The following PARG variants were observed in gnomAD, a reference collection of about 807,000 sequenced individuals.
PARG encodes the protein poly(ADP-ribose) glycohydrolase, also known as mitochondrial poly(ADP-ribose) glycohydrolase.
In PARG, 35 loss-of-function variants were observed where a neutral mutation model predicts 113.0. That is an observed-to-expected ratio of 0.31 (90% CI 0.24 to 0.41). PARG has a LOEUF of 0.41. PARG is among the 10% of genes least tolerant of loss of function. The pLI is 1.00. For missense variants in PARG, 797 were observed against 1,169.4 expected (o/e 0.68, Z 4.64); for synonymous variants, 330 against 409.9 (o/e 0.81, Z 2.36).
At chr10:49,891,572 C>T (rs1181097133) in intron 7 of PARG, among the ~76,000 whole-genome samples, 2 of 127,320 alleles carry the variant, frequency 1.6e-5, no homozygotes, top group East Asian at 2.3e-4. Flanking sequence ...GAGGAAATAT[C>T]CTCATAATCC....
chr10:49,877,961 T>G (rs1193245967), intron 9 of PARG, among the ~76,000 whole-genome samples: 1 of 151,782 alleles, frequency 6.6e-6, no homozygotes, highest in Non-Finnish European at 1.5e-5. Flanking sequence ...GGAAAATATT[T>G]ATTAATCACA....
At position 49,857,466 on chromosome 10, in the gene PARG, T is replaced by C; in HGVS notation, c.2206-13A>G. On this transcript the variant is annotated splice_polypyrimidine_tract_variant and intron_variant, in intron 12 of 17. Coordinates refer to ENST00000616448, the MANE Select transcript of PARG (RefSeq NM_003631.5). ...TTGCAAAATCCACCTGTTGGGGAAA[T>C]GTGACATATTAAATAATGGTCAAAA... 1.2e-6 allele frequency: 2 copies of C among 1,610,132 alleles called. No individual in the cohort carries two copies. The highest frequency in any genetic ancestry group is 1.7e-6 in the Non-Finnish European group (2 of 1,177,558).
chr10:49,829,497 C>T (rs532426346), intron 16 of PARG, among the ~76,000 whole-genome samples: 21 of 151,984 alleles, frequency 1.4e-4, no homozygotes, highest in African/African-American at 4.8e-4. Flanking sequence ...TTTTTTGTTA[C>T]AAAAACAATA....
intron 13 of PARG, among the ~76,000 whole-genome samples, chr10:49,854,819 A>G (rs1371778992): frequency 2.0e-5 from 3 of 150,242 alleles, no homozygotes; most frequent in African/African-American, 4.9e-5. Flanking sequence ...GAACACAGAC[A>G]TCACAAAATT....
At chr10:49,932,429 A>G in intron 3 of PARG, 146 bp from the exon 4 acceptor site, 1 of 629,876 alleles carries the variant, frequency 1.6e-6, no homozygotes, top group South Asian at 2.0e-5. Flanking sequence ...ATTTACAATC[A>G]AAAGAAAAAC....
At chr10:49,899,005 C>T (rs1848229833) in intron 7 of PARG, among the ~76,000 whole-genome samples, 2 of 152,198 alleles carry the variant, frequency 1.3e-5, no homozygotes. Flanking sequence ...ACCATTCCTA[C>T]AACAGTGGTG....
intron 6 of PARG, among the ~76,000 whole-genome samples, chr10:49,920,597 T>A (rs1837804676): frequency 6.9e-6 from 1 of 144,604 alleles, no homozygotes; most frequent in African/African-American, 2.6e-5. Context: ...CATATATACA[T>A]ATATACGTAC....
In PARG at chr10:49,897,067, C is replaced by CCAA. The variant is rs528782695; in HGVS notation, c.1738-11773_1738-11772insTTG. Among the ~76,000 whole-genome samples the CCAA allele has an allele frequency of 3.3e-3, 508 of 152,168 alleles. 2 individuals carry two copies. The highest frequency in any genetic ancestry group is 0.012 in the African/African-American group (482 of 41,500). ...ATATCTAGAATATAGCATACTTGAG[C>CCAA]CCCTTTTTCAGTTTTATCTTTATCC... is the stretch of plus-strand genomic sequence containing the variant. On this transcript the variant is annotated intron_variant, in intron 7 of 17. Transcript: ENST00000616448.
chr10:49,824,928 T>C lies in PARG; in HGVS notation c.2648-4635A>G, dbSNP rs1844277784. Among the ~76,000 whole-genome samples, 4 of 152,074 alleles carry C rather than the reference T, an allele frequency of 2.6e-5. No individual in the cohort carries two copies. The South Asian group carries it at 8.3e-4, about 32-fold the overall frequency. ...GGGCTGCTGTGGCAATCCACCCTGG[T>C]CAACTCCAAGCAGACCTTACCACAT... On this transcript the variant is annotated intron_variant, in intron 16 of 17. Coordinates refer to ENST00000616448, the MANE Select transcript of PARG (RefSeq NM_003631.5).
At chr10:49,823,138 A>G (rs548605886) in intron 16 of PARG, among the ~76,000 whole-genome samples, 1 of 152,298 alleles carries the variant, frequency 6.6e-6, no homozygotes, top group African/African-American at 2.4e-5. Context: ...ATAATATTTT[A>G]TTCTTAAATA....
At position 49,933,626 on chromosome 10, in the gene PARG, C is replaced by G; in HGVS notation, c.822G>C (p.Gly274=). 1 of 1,609,416 alleles carries G rather than the reference C, an allele frequency of 6.2e-7. No individual in the cohort carries two copies. Among genetic ancestry groups the G allele is most frequent in the South Asian group, 1.1e-5 (1 of 90,936 alleles). ...TAGTCAATTTGTTGTCATTTTTTGG[C>G]CCAGTACCAACATCCTCAGAGCCAA... ...SDVGSEDVGT[G]PKNDNKLTRQ... is the part of the protein sequence containing the mutation. The change falls in exon 3 of 18, where the codon GGG becomes GGC. Residue 274 remains glycine, a synonymous_variant. Transcript: ENST00000616448.
chr10:49,900,604 A>G lies in PARG; in HGVS notation c.1738-15309T>C, dbSNP rs1361847261. Among the ~76,000 whole-genome samples the G allele has an allele frequency of 8.5e-5, 13 of 152,270 alleles. 1 individual carries two copies. Among genetic ancestry groups the G allele is most frequent in the Admixed American group, 8.5e-4 (13 of 15,288 alleles). On this transcript the variant is annotated intron_variant, in intron 7 of 17. Coordinates refer to ENST00000616448, the MANE Select transcript of PARG (RefSeq NM_003631.5). ...TCATATCTATTTTCATGCTAATAAT[A>G]AACAGCAGAATTCTTACTTTAGAAA... is the stretch of plus-strand genomic sequence containing the variant.
intron 7 of PARG, among the ~76,000 whole-genome samples, chr10:49,912,692 C>T (rs558558639): frequency 3.4e-4 from 51 of 152,012 alleles, no homozygotes; most frequent in African/African-American, 1.2e-3. Context: ...AGGCCAGGCA[C>T]AGTGGCTCAT....
intron 4 of PARG, among the ~76,000 whole-genome samples, chr10:49,928,378 CTGATAAAACAG>C (rs1229510115): frequency 2.6e-5 from 4 of 152,168 alleles, no homozygotes; most frequent in Admixed American, 6.5e-5. Context: ...TCCATATCAT[CTGATAAAACAG>C]CATAGGTACC....
At chr10:49,886,061 T>C (rs1453675433) in intron 7 of PARG, among the ~76,000 whole-genome samples, 8 of 152,358 alleles carry the variant, frequency 5.3e-5, no homozygotes, top group Admixed American at 5.2e-4. Flanking sequence ...AAATACTTTA[T>C]CTACTTGAAA....
In PARG at chr10:49,893,862, GT is replaced by G. The variant is rs199778059; in HGVS notation, c.1738-8568del. Among the ~76,000 whole-genome samples the G allele has an allele frequency of 3.2e-3, 481 of 149,884 alleles. 2 individuals are homozygous for G. Among genetic ancestry groups the G allele is most frequent in the African/African-American group, 0.011 (462 of 40,692 alleles). On this transcript the variant is annotated intron_variant, in intron 7 of 17. Coordinates refer to ENST00000616448, the MANE Select transcript of PARG (RefSeq NM_003631.5). ...GCACCCGCCACCACGCCCAGCTAAT[GT>G]TTTTTTTTGTATTTTTAGTAAAGAC...
At chr10:49,833,100 G>A (rs1219060454) in intron 15 of PARG, 192 bp from the exon 16 acceptor site, 1 of 401,566 alleles carries the variant, frequency 2.5e-6, no homozygotes, top group African/African-American at 2.1e-5. Context: ...ATGCAAGGAA[G>A]AGACTAAGAA....
At chr10:49,879,502 C>G (rs1554838998) in intron 9 of PARG, among the ~76,000 whole-genome samples, 171 bp downstream of exon 9, 1 of 151,144 alleles carries the variant, frequency 6.6e-6, no homozygotes, top group African/African-American at 2.4e-5. Flanking sequence ...CCTCAATGAA[C>G]TTTAATCACC....
At chr10:49,909,644 T>A (rs1263754101) in intron 7 of PARG, 1 of 170,064 alleles carries the variant, frequency 5.9e-6, no homozygotes, top group Non-Finnish European at 1.3e-5. Context: ...AAGGCCATTT[T>A]TGCTGAGCAT....
Sources: gnomAD v4.1 joint callset for allele counts (sites outside exome capture counted in the v4.1 genomes callset) on GRCh38, gnomAD v4.1.1 for gene constraint, MANE v1.5 for transcripts, NCBI Gene and HGNC (gene_info 2026-07-23, HGNC 2026-07-21) for gene names.